FAS: variants seen among roughly 807,000 people sequenced by gnomAD.
FAS encodes the protein Fas cell surface death receptor.
Under a neutral mutation model 33.2 loss-of-function variants are expected in FAS, and 5 were observed. The observed-to-expected ratio is 0.15, with a 90% CI of 0.08 to 0.32. The LOEUF (loss-of-function observed/expected upper bound fraction) is 0.32, where lower values mean the gene tolerates loss of function less well. Ranked by LOEUF, FAS falls within the 10% of genes least tolerant of loss-of-function variation. The pLI is 1.00. For synonymous variants in FAS, 131 were observed against 130.7 expected, an observed-to-expected ratio of 1.00 and a Z score of -0.01; for missense variants, 339 against 386.0, an observed-to-expected ratio of 0.88 and a Z score of 1.02.
rs1421250238 is a variant in FAS at position 89,016,883 on chromosome 10, T to C, written c.*2433T>C. ...ACCTCTGATTAGATCAGACACTTTT[T>C]AGATATTGAATCATCAGTTTCTGTA... is the stretch of plus-strand genomic sequence containing the variant. On this transcript the variant is annotated 3_prime_UTR_variant, in exon 9 of 9. Transcript: ENST00000652046. 1 of 198,178 alleles carries C rather than the reference T, an allele frequency of 5.0e-6. No individual in the cohort carries two copies. Among genetic ancestry groups the C allele is most frequent in the African/African-American group, 2.3e-5 (1 of 43,390 alleles). The allele number at this position is 198,178 out of a possible 1,614,324, so 12.3% of individuals were successfully genotyped here.
intron 1 of FAS, among the ~76,000 whole-genome samples, chr10:88,967,165 T>C (rs1846333072): frequency 6.6e-6 from 1 of 152,164 alleles, no homozygotes; most frequent in Non-Finnish European, 1.5e-5. Context: ...CACTTCCTTT[T>C]CCAACAAAAT....
chr10:88,995,094 A>G (rs1030286106), intron 1 of FAS, among the ~76,000 whole-genome samples: 2 of 151,814 alleles, frequency 1.3e-5, no homozygotes, highest in East Asian at 3.9e-4. Context: ...CTATGTATGT[A>G]TATATATATT....
chr10:88,976,569 T>C (rs192520848), intron 2 of FAS, among the ~76,000 whole-genome samples: 1 of 152,226 alleles, frequency 6.6e-6, no homozygotes, highest in Non-Finnish European at 1.5e-5. Flanking sequence ...AAAAACCCAC[T>C]TCCTTTCCAC....
Position 89,013,343 on chromosome 10 carries a change from G to A in FAS, c.652G>A (p.Glu218Lys), listed in dbSNP as rs1848623750. The A allele has an allele frequency of 1.9e-6, 3 of 1,610,206 alleles. No individual in the cohort carries two copies. The highest frequency in any genetic ancestry group is 2.5e-6 in the Non-Finnish European group (3 of 1,178,092). ...GSHESPTLNP[E>K]TVAINLSDVD... ...TCTGCTTCCATTTTTTGCTTTCTAG[G>A]AAACAGTGGCAATAAATTTATCTGG... Residue 218 changes from glutamate to lysine, a missense_variant and splice_region_variant, in exon 8 of 9, where the codon GAA becomes AAA. Physicochemically the swap from Glu to Lys is moderately conservative, Grantham distance 56 (BLOSUM62 1). Coordinates refer to ENST00000652046, the MANE Select transcript of FAS (RefSeq NM_000043.6).
intron 2 of FAS, among the ~76,000 whole-genome samples, chr10:88,979,093 C>T (rs1846644925): frequency 6.6e-6 from 1 of 151,950 alleles, no homozygotes; most frequent in African/African-American, 2.4e-5. Flanking sequence ...AAACACTGTC[C>T]ACTGCCTGAA....
In FAS at chr10:89,014,143, C is replaced by T. The variant is rs1848666499; in HGVS notation, c.701C>T (p.Thr234Ile). 6.2e-7 allele frequency: 1 copy of T among 1,613,696 alleles called. No homozygotes were observed. The highest frequency in any genetic ancestry group is 1.1e-5 in the South Asian group (1 of 91,050). The change falls in exon 9 of 9, where the codon ACC (threonine) becomes ATC (isoleucine). Residue 234 changes from threonine (T) to isoleucine (I), a missense_variant. Transcript: ENST00000652046. ...GATGTTGACTTGAGTAAATATATCACCACTATTGCTGGAGTCATGACACTA... is the reference window on the plus strand; with the variant it reads ...GATGTTGACTTGAGTAAATATATCATCACTATTGCTGGAGTCATGACACTA... The part of the protein sequence containing the change: ...LSDVDLSKYI[T>I]TIAGVMTLSQ...
At chr10:89,006,464 G>A (rs757257627) in intron 2 of FAS, among the ~76,000 whole-genome samples, 5 of 152,112 alleles carry the variant, frequency 3.3e-5, no homozygotes, top group Non-Finnish European at 7.4e-5. Context: ...CATGTTCCTA[G>A]GAAACACAGC....
intron 2 of FAS, among the ~76,000 whole-genome samples, chr10:89,007,222 G>T (rs1258933859): frequency 6.6e-6 from 1 of 152,134 alleles, no homozygotes; most frequent in Non-Finnish European, 1.5e-5. Context: ...AACTTCAAAT[G>T]TTCTTTTCCT....
rs1227241801 is a variant in FAS at position 89,015,085 on chromosome 10, T to A, written c.*635T>A. On this transcript the variant is annotated 3_prime_UTR_variant, in exon 9 of 9. Coordinates refer to ENST00000652046, the MANE Select transcript of FAS (RefSeq NM_000043.6). The stretch of plus-strand genomic sequence containing the variant: ...GTGAATTCACATAGAAAACATTAAA[T>A]TATAATGTTTGACTATTATATATGT... The A allele has an allele frequency of 3.7e-5, 20 of 534,532 alleles. No individual in the cohort carries two copies. The highest frequency in any genetic ancestry group is 6.5e-5 in the Non-Finnish European group (18 of 276,610). 33.1% of individuals were successfully genotyped at this position (534,532 alleles called of 1,614,324 possible).
intron 1 of FAS, among the ~76,000 whole-genome samples, chr10:88,996,624 G>T (rs759507888): frequency 3.3e-5 from 5 of 152,106 alleles, no homozygotes; most frequent in Non-Finnish European, 7.4e-5. Context: ...AAAAGAAAAT[G>T]ATAAGTATGT....
rs886047462 is a variant in FAS, at chr10:89,014,970, T to C, written c.*520T>C. 1.5e-5 allele frequency: 8 copies of C among 534,142 alleles called. No homozygotes were observed. In the East Asian group the frequency reaches 2.7e-4, roughly 18 times the overall value. The allele number at this position is 534,142 out of a possible 1,614,324, so 33.1% of individuals were successfully genotyped here. A position where few individuals can be genotyped will look rare whatever the true frequency, so the allele number is the denominator to read the frequency against. On this transcript the variant is annotated 3_prime_UTR_variant, in exon 9 of 9. Transcript: ENST00000652046. ...CTGAGAAGATCATATTTATGTAAAG[T>C]ATATGTATTTGAGTGCAGAATTTAA...
intron 1 of FAS, among the ~76,000 whole-genome samples, chr10:88,999,136 G>T: frequency 6.7e-6 from 1 of 148,926 alleles, no homozygotes. Flanking sequence ...CCTGGCAACA[G>T]AGCGAGACTC....
In FAS at chr10:89,014,550, A is replaced by C. The variant is rs1848698231; in HGVS notation, c.*100A>C. On this transcript the variant is annotated 3_prime_UTR_variant, in exon 9 of 9. Coordinates refer to ENST00000652046, the MANE Select transcript of FAS (RefSeq NM_000043.6). Reference sequence around the variant, plus strand: ...TACTGCTTGGTTTTTTACTGGGTACATTTTATCATTTATTAGCGCTGAAGA... The same window carrying C: ...TACTGCTTGGTTTTTTACTGGGTACCTTTTATCATTTATTAGCGCTGAAGA... 9.2e-7 allele frequency: 1 copy of C among 1,091,616 alleles called. No homozygotes were observed. Among genetic ancestry groups the C allele is most frequent in the South Asian group, 1.3e-5 (1 of 75,544 alleles). The allele number at this position is 1,091,616 out of a possible 1,614,324, so 67.6% of individuals were successfully genotyped here.
upstream of FAS, among the ~76,000 whole-genome samples, chr10:88,988,688 C>T (rs566471355): frequency 5.9e-5 from 9 of 152,142 alleles, no homozygotes; most frequent in East Asian, 1.5e-3. Context: ...ATAAAAATAA[C>T]CTTTAGAGAT....
At position 89,014,535 on chromosome 10, in the gene FAS, T is replaced by G. The variant is rs1274595797; in HGVS notation, c.*85T>G. On this transcript the variant is annotated 3_prime_UTR_variant, in exon 9 of 9. Transcript: ENST00000652046. Reference sequence around the variant, plus strand: ...ATAGCTGGCTGTAAATACTGCTTGGTTTTTTACTGGGTACATTTTATCATT... The same window carrying G: ...ATAGCTGGCTGTAAATACTGCTTGGGTTTTTACTGGGTACATTTTATCATT... 7.9e-7 allele frequency: 1 copy of G among 1,263,660 alleles called. No individual in the cohort carries two copies. Among genetic ancestry groups the G allele is most frequent in the African/African-American group, 1.5e-5 (1 of 67,762 alleles). 78.3% of individuals were successfully genotyped at this position (1,263,660 alleles called of 1,614,324 possible).
intron 2 of FAS, among the ~76,000 whole-genome samples, chr10:88,975,632 T>A (rs1846545104): frequency 6.6e-6 from 1 of 151,634 alleles, no homozygotes; most frequent in African/African-American, 2.4e-5. Context: ...GTAAGTTCCA[T>A]GAGAGTAGGA....
intron 1 of FAS, among the ~76,000 whole-genome samples, chr10:88,972,614 TTTTTACAAAGTTG>T (rs1846473637): frequency 6.6e-6 from 1 of 152,208 alleles, no homozygotes; most frequent in South Asian, 2.1e-4. Flanking sequence ...TTTGGCATTA[TTTTTACAAAGTTG>T]CTCTAGGGAT....
intron 8 of FAS, 116 bp from the exon 9 acceptor site, chr10:89,014,003 G>A: frequency 9.4e-7 from 1 of 1,067,964 alleles, no homozygotes; most frequent in South Asian, 1.5e-5. Flanking sequence ...GCTCTTCATA[G>A]ACCTTTAGGA....
chr10:88,999,020 G>A (rs1487414018), intron 1 of FAS, among the ~76,000 whole-genome samples: 2 of 152,016 alleles, frequency 1.3e-5, no homozygotes, highest in Non-Finnish European at 2.9e-5. Flanking sequence ...GGGCCTGGTG[G>A]TGCACATCTG....
Sources: allele counts gnomAD v4.1 joint callset (sites outside exome capture counted in the v4.1 genomes callset), GRCh38; gene constraint gnomAD v4.1.1; transcripts MANE v1.5; gene names NCBI Gene and HGNC (gene_info 2026-07-23, HGNC 2026-07-21).